The following CDK11A variants were observed in gnomAD, a reference collection of about 807,000 sequenced individuals.
The protein encoded by CDK11A is cyclin-dependent kinase 11A.
CDK11A carries 55 observed loss-of-function variants against 83.6 expected under a neutral mutation model. That is an observed-to-expected ratio of 0.66 (90% CI 0.53 to 0.82). CDK11A has a LOEUF of 0.82. CDK11A is among the 40% of genes least tolerant of loss of function. CDK11A has a pLI of 0.00. For synonymous variants in CDK11A, 247 were observed against 302.7 expected, an observed-to-expected ratio of 0.82 and a Z score of 1.91; for missense variants, 564 against 810.1, an observed-to-expected ratio of 0.70 and a Z score of 3.69.
At position 1,721,163 on chromosome 1, in the gene CDK11A, A is replaced by G. The variant is rs1222593062; in HGVS notation, c.227+433T>C. Among the ~76,000 whole-genome samples, 20 of 147,432 alleles carry G rather than the reference A, an allele frequency of 1.4e-4. No individual in the cohort carries two copies. The Admixed American group carries it at 1.4e-3, about 10-fold the overall frequency. Reference sequence around the variant, plus strand: ...AGCCGAGATGGCGCCACTGCACTCCAGCCTGGGTGAGCAAGACTCTTGAGA... The same window carrying G: ...AGCCGAGATGGCGCCACTGCACTCCGGCCTGGGTGAGCAAGACTCTTGAGA... On this transcript the variant is annotated intron_variant, in intron 3 of 19. Coordinates refer to ENST00000404249, the MANE Select transcript of CDK11A (RefSeq NM_024011.4).
chr1:1,702,905 C>T lies in CDK11A; in HGVS notation c.*2G>A. Reference sequence around the variant, plus strand: ...TCCCCATGACGGGGTCCACTCTGACCTTCAGAACTTGAGGCTGAAGCCGGG... The same window carrying T: ...TCCCCATGACGGGGTCCACTCTGACTTTCAGAACTTGAGGCTGAAGCCGGG... On this transcript the variant is annotated 3_prime_UTR_variant, in exon 20 of 20. Coordinates refer to ENST00000404249, the MANE Select transcript of CDK11A (RefSeq NM_024011.4). The T allele has an allele frequency of 2.2e-6, 1 of 461,536 alleles. No individual in the cohort carries two copies. Among genetic ancestry groups the T allele is most frequent in the Non-Finnish European group, 3.9e-6 (1 of 258,474 alleles). The allele number at this position is 461,536 out of a possible 1,614,324, so 28.6% of individuals were successfully genotyped here.
chr1:1,715,011 G>A (rs3820004), intron 5 of CDK11A, among the ~76,000 whole-genome samples: 118,355 of 147,592 alleles, frequency 0.8, 50,004 homozygotes, highest in Non-Finnish European at 0.93. Flanking sequence ...CCCTTCCAAG[G>A]CAGCAAGGAA....
intron 5 of CDK11A, among the ~76,000 whole-genome samples, chr1:1,716,089 G>T (rs760931): frequency 1.3e-5 from 2 of 149,832 alleles, no homozygotes; most frequent in Non-Finnish European, 3.0e-5. Flanking sequence ...TGCGCCCGGC[G>T]GGACGTGCAG....
Position 1,703,576 on chromosome 1 carries a change from G to A in CDK11A, c.1960C>T (p.Pro654Ser), listed in dbSNP as rs781257946. The A allele has an allele frequency of 4.4e-6, 7 of 1,584,656 alleles. 1 individual carries two copies. The highest frequency in any genetic ancestry group is 6.0e-6 in the Non-Finnish European group (7 of 1,171,940). ...EKIWPGYSEL[P>S]VVKKMTFSEH... Reference sequence around the variant, plus strand: ...CTGAAGGTCATCTTTTTGACTACTGGGAGCTCACTGTAGCCGGGCCAGATT... The same window carrying A: ...CTGAAGGTCATCTTTTTGACTACTGAGAGCTCACTGTAGCCGGGCCAGATT... Residue 654 changes from proline to serine, a missense_variant, in exon 18 of 20, where the codon CCA (proline) becomes TCA (serine). Transcript: ENST00000404249.
rs1644959680 is a variant in CDK11A at position 1,722,912 on chromosome 1, G to A, written c.-13-81C>T. On this transcript the variant is annotated intron_variant, in intron 1 of 19. Transcript: ENST00000404249. ...AACACTTGAACCTAGTCACTTTTGA[G>A]GGATTCAGAATAAATCCTCATTAAG... The A allele has an allele frequency of 9.5e-6, 5 of 524,344 alleles. 1 individual carries two copies. The highest frequency in any genetic ancestry group is 5.0e-4 in the Middle Eastern group (1 of 1,998). The allele number at this position is 524,344 out of a possible 1,614,324, so 32.5% of individuals were successfully genotyped here.
rs1187226355 is a variant in CDK11A at position 1,702,682 on chromosome 1, C to T, written c.*225G>A. 3.8e-5 allele frequency: 23 copies of T among 603,200 alleles called. 1 individual carries two copies. Among genetic ancestry groups the T allele is most frequent in the East Asian group, 1.9e-4 (7 of 36,328 alleles). 37.4% of individuals were successfully genotyped at this position (603,200 alleles called of 1,614,324 possible). ...GTGTGTGGAGGTTTGTGCTGCCCCA[C>T]GTGGGCACCCGAAGATGCCCTGGCA... On this transcript the variant is annotated 3_prime_UTR_variant, in exon 20 of 20. Coordinates refer to ENST00000404249, the MANE Select transcript of CDK11A (RefSeq NM_024011.4).
chr1:1,718,183 C>T (rs564083792), intron 4 of CDK11A, among the ~76,000 whole-genome samples: 22 of 138,588 alleles, frequency 1.6e-4, no homozygotes, highest in African/African-American at 5.2e-4. Flanking sequence ...CTGTGACACA[C>T]GCATGCTTTC....
chr1:1,703,937 A>G lies in CDK11A; in HGVS notation c.1798T>C (p.Tyr600His). Residue 600 changes from tyrosine (Y) to histidine (H), a missense_variant, in exon 17 of 20, where the codon TAC becomes CAC. By Grantham distance (83) the Tyr-to-His change is moderately conservative (BLOSUM62 2). Around this residue, in one of 5 missense-constraint regions of CDK11A, gnomAD observed 361 missense variants for 402.7 expected, o/e 0.90. Coordinates refer to ENST00000404249, the MANE Select transcript of CDK11A (RefSeq NM_024011.4). Reference sequence around the variant, plus strand: ...GACCACATGTCCACGGCCGTGGAGTATTCCTAAGACGCCAGGAGAGGTGTT... The same window carrying G: ...GACCACATGTCCACGGCCGTGGAGTGTTCCTAAGACGCCAGGAGAGGTGTT... ...APELLLGAKE[Y>H]STAVDMWSVG... is the part of the protein sequence containing the mutation. 6.2e-7 allele frequency: 1 copy of G among 1,609,560 alleles called. No individual in the cohort carries two copies. The highest frequency in any genetic ancestry group is 8.5e-7 in the Non-Finnish European group (1 of 1,176,894).
At position 1,703,614 on chromosome 1, in the gene CDK11A, G is replaced by T. The variant is rs1644174043; in HGVS notation, c.1922C>A (p.Thr641Asn). Residue 641 changes from threonine to asparagine, a missense_variant, in exon 18 of 20, where the codon ACC becomes AAC. This residue lies in a region of CDK11A where 361 missense variants were observed against 402.7 expected (regional missense o/e 0.90). Coordinates refer to ENST00000404249, the MANE Select transcript of CDK11A (RefSeq NM_024011.4). ...GCCGGGCCAGATTTTCTCACTGGGGGTCCCCAGCTCCTGAAAGACAGAGGT... is the reference window on the plus strand; with the variant it reads ...GCCGGGCCAGATTTTCTCACTGGGGTTCCCCAGCTCCTGAAAGACAGAGGT... ...QINKVFKELG[T>N]PSEKIWPGYS... 1.3e-6 allele frequency: 2 copies of T among 1,597,528 alleles called. No homozygotes were observed. The highest frequency in any genetic ancestry group is 8.5e-7 in the Non-Finnish European group (1 of 1,173,612).
chr1:1,717,553 AC>A (rs1184989304), intron 4 of CDK11A, among the ~76,000 whole-genome samples: 1 of 151,178 alleles, frequency 6.6e-6, no homozygotes, highest in African/African-American at 2.4e-5. Flanking sequence ...GGGAGAGAAA[AC>A]CCCAGAGGAA....
intron 4 of CDK11A, 148 bp downstream of exon 4, chr1:1,719,180 C>G (rs74763557): frequency 1.6e-6 from 1 of 637,830 alleles, no homozygotes; most frequent in African/African-American, 1.9e-5. Context: ...CTCTATAGCC[C>G]TTCTGAACGG....
chr1:1,715,334 C>T (rs1396717934), intron 5 of CDK11A, among the ~76,000 whole-genome samples: 1 of 126,512 alleles, frequency 7.9e-6, no homozygotes. Context: ...CAGAAGTCTG[C>T]CCCCAACAAT....
Position 1,719,453 on chromosome 1 carries a change from C to T in CDK11A, c.230G>A (p.Gly77Glu). 1.3e-5 allele frequency: 19 copies of T among 1,495,650 alleles called. 1 individual carries two copies. Among genetic ancestry groups the T allele is most frequent in the Non-Finnish European group, 1.6e-5 (18 of 1,124,648 alleles). 92.6% of individuals were successfully genotyped at this position (1,495,650 alleles called of 1,614,324 possible). A position where few individuals can be genotyped will look rare whatever the true frequency, so the allele number is the denominator to read the frequency against. The change falls in exon 4 of 20, where the codon GGA (glycine) becomes GAA (glutamate). Residue 77 changes from glycine to glutamate, a missense_variant and splice_region_variant. Transcript: ENST00000404249. ...YRREDSMEDR[G>E]EEDDSLAIKP... ...GATGGCCAAAGAATCATCTTCTTCT[C>T]CTCTGAAATAAAACACAACAGCACT...
chr1:1,706,748 C>G lies in CDK11A; in HGVS notation c.1245+661G>C, dbSNP rs140227771. Among the ~76,000 whole-genome samples the G allele has an allele frequency of 3.3e-5, 5 of 150,722 alleles. No individual in the cohort carries two copies. The East Asian group carries it at 9.8e-4, about 30-fold the overall frequency. On this transcript the variant is annotated intron_variant, in intron 11 of 19. Transcript: ENST00000404249. ...TGGGTGGCCTGTGGCCCGACGCCTACGCTCAGCAGCACTAAGGGGCAGAGG... is the reference window on the plus strand; with the variant it reads ...TGGGTGGCCTGTGGCCCGACGCCTAGGCTCAGCAGCACTAAGGGGCAGAGG...
At position 1,708,849 on chromosome 1, in the gene CDK11A, TTCCTCTTCCTCCTCC is replaced by T. The variant is rs1462619493; in HGVS notation, c.933_947del (p.Glu317_Glu321del). The stretch of plus-strand genomic sequence containing the variant: ...TGCTGCCGGTCTCCTCCTCCTCCTC[TTCCTCTTCCTCCTCC>T]TCCTCCTCTGATTCTTCACTGGTGC... On this transcript the variant is annotated inframe_deletion, in exon 9 of 20. Transcript: ENST00000404249. The T allele has an allele frequency of 4.4e-5, 54 of 1,237,902 alleles. No individual in the cohort carries two copies. Among genetic ancestry groups the T allele is most frequent in the Non-Finnish European group, 5.4e-5 (47 of 874,214 alleles). 76.7% of individuals were successfully genotyped at this position (1,237,902 alleles called of 1,614,324 possible).
At chr1:1,723,488 CAAAAAAAAAAAAAA>C (rs768913380) in intron 1 of CDK11A, among the ~76,000 whole-genome samples, 1 of 20,632 alleles carries the variant, frequency 4.8e-5, no homozygotes, top group South Asian at 2.2e-3. Context: ...GACCCCGTCT[CAAAAAAAAAAAAAA>C]AAAAAAAAAA....
Position 1,704,206 on chromosome 1 carries a change from C to T in CDK11A, c.1686+17G>A. ...GGGCGGGTCACCCTGGGATGGGCCACTCGGAGGGGGGCTCACCTTGAGGAT... is the reference window on the plus strand; with the variant it reads ...GGGCGGGTCACCCTGGGATGGGCCATTCGGAGGGGGGCTCACCTTGAGGAT... On this transcript the variant is annotated intron_variant, in intron 15 of 19. Transcript: ENST00000404249. 6.2e-7 allele frequency: 1 copy of T among 1,608,252 alleles called. No individual in the cohort carries two copies. Among genetic ancestry groups the T allele is most frequent in the Non-Finnish European group, 8.5e-7 (1 of 1,176,712 alleles).
rs1326253821 is a variant in CDK11A, at chr1:1,722,711, T to C, written c.108A>G (p.Lys36=). 33 of 1,551,524 alleles carry C rather than the reference T, an allele frequency of 2.1e-5. 2 individuals carry two copies. The highest frequency in any genetic ancestry group is 2.9e-5 in the Non-Finnish European group (33 of 1,147,730). Residue 36 remains lysine, a synonymous_variant, in exon 2 of 20, where the codon AAA becomes AAG. Transcript: ENST00000404249. ...QEEKAEIKRL[K]NSDDRDSKRD... is the part of the protein sequence containing the mutation. ...TACTTAAAAAAATATGGCTTACATT[T>C]TTTAAGCGTTTTATCTCTGCTTTCT...
chr1:1,714,952 G>GAGGATGCTGGTGGGCA, intron 5 of CDK11A, among the ~76,000 whole-genome samples: 1 of 150,426 alleles, frequency 6.6e-6, no homozygotes, highest in East Asian at 2.0e-4. Flanking sequence ...TCCCTCCACT[G>GAGGATGCTGGTGGGCA]AGGATGCTGG....
Sources: allele counts gnomAD v4.1 joint callset (sites outside exome capture counted in the v4.1 genomes callset), GRCh38; gene constraint gnomAD v4.1.1; regional missense constraint gnomAD v4.1.1; transcripts MANE v1.5; gene names NCBI Gene and HGNC (gene_info 2026-07-23, HGNC 2026-07-21).